Variants in NEK11 observed in about 807,000 individuals in gnomAD.
NEK11 encodes the protein NIMA related kinase 11, also known as serine/threonine-protein kinase Nek11.
Under a neutral mutation model 80.7 loss-of-function variants are expected in NEK11, and 72 were observed. That is an observed-to-expected ratio of 0.89 (90% confidence interval 0.74 to 1.08). The LOEUF is 1.08. Among genes scored for constraint, NEK11 ranks in the 50% least tolerant of loss-of-function variants. NEK11 has a pLI of 0.00. For missense variants in NEK11, 764 were observed against 763.6 expected (o/e 1.00, Z -0.01); for synonymous variants, 251 against 260.7 (o/e 0.96, Z 0.36).
intron 4 of NEK11, among the ~76,000 whole-genome samples, chr3:131,085,414 T>C (rs569045532): frequency 1.2e-4 from 19 of 152,314 alleles, no homozygotes; most frequent in African/African-American, 3.4e-4. Flanking sequence ...TGATAATATT[T>C]AATGAATTTT....
intron 4 of NEK11, among the ~76,000 whole-genome samples, chr3:131,082,809 T>C (rs2075459386): frequency 6.6e-6 from 1 of 152,202 alleles, no homozygotes; most frequent in African/African-American, 2.4e-5. Flanking sequence ...TTTTCCACAT[T>C]TGCTTTATCT....
Position 131,281,395 on chromosome 3 carries a change from A to C in NEK11, c.1718+7821A>C, listed in dbSNP as rs1022714698. Reference sequence around the variant, plus strand: ...TATATACATTTTGTCTCCTTTATTTAGTAATATATGCTGGAGCACAGTAGT... The same window carrying C: ...TATATACATTTTGTCTCCTTTATTTCGTAATATATGCTGGAGCACAGTAGT... On this transcript the variant is annotated intron_variant, in intron 17 of 17. Transcript: ENST00000383366. Among the ~76,000 whole-genome samples, 3 of 152,186 alleles carry C rather than the reference A, an allele frequency of 2.0e-5. No homozygotes were observed. The South Asian group carries it at 6.2e-4, about 32-fold the overall frequency.
intron 7 of NEK11, among the ~76,000 whole-genome samples, chr3:131,144,429 G>A (rs2087690468): frequency 6.6e-6 from 1 of 152,048 alleles, no homozygotes; most frequent in Non-Finnish European, 1.5e-5. Context: ...TTTAAGACCT[G>A]GGAGTCAAAT....
intron 3 of NEK11, among the ~76,000 whole-genome samples, chr3:131,064,506 C>T (rs923430984): frequency 2.6e-5 from 4 of 152,162 alleles, no homozygotes; most frequent in South Asian, 4.2e-4. Context: ...TTAACTTAAT[C>T]GACTCTTTCA....
At chr3:131,126,771 CT>C (rs2083408917) in intron 5 of NEK11, among the ~76,000 whole-genome samples, 1 of 151,990 alleles carries the variant, frequency 6.6e-6, no homozygotes, top group African/African-American at 2.4e-5. Context: ...GTCATTCTCT[CT>C]TTGAATTTTG....
intron 3 of NEK11, among the ~76,000 whole-genome samples, chr3:131,030,892 G>A (rs190413203): frequency 2.0e-5 from 3 of 152,276 alleles, no homozygotes; most frequent in Non-Finnish European, 4.4e-5. Flanking sequence ...GTTAGGGTAA[G>A]AAACTTGCCT....
At chr3:131,290,221 A>G (rs2096529568) in intron 17 of NEK11, among the ~76,000 whole-genome samples, 1 of 152,198 alleles carries the variant, frequency 6.6e-6, no homozygotes. Flanking sequence ...CTTACCCTTG[A>G]TGCCTGGCAG....
intron 17 of NEK11, among the ~76,000 whole-genome samples, chr3:131,315,854 A>C (rs1040801474): frequency 6.6e-6 from 1 of 151,750 alleles, no homozygotes; most frequent in African/African-American, 2.4e-5. Flanking sequence ...ATAGCTTCCA[A>C]CTCCATTCAT....
rs1181845089 is a variant in NEK11, at chr3:131,182,222, TAAC to T, written c.1399+11340_1399+11342del. Among the ~76,000 whole-genome samples, 3 of 151,970 alleles carry T rather than the reference TAAC, an allele frequency of 2.0e-5. No individual in the cohort carries two copies. The East Asian group carries it at 5.8e-4, about 29-fold the overall frequency. The stretch of plus-strand genomic sequence containing the variant: ...ACCTAATATCTTTTTCACTCATCAG[TAAC>T]AACATTTTCAACTGACTTCTCTTTT... On this transcript the variant is annotated intron_variant, in intron 14 of 17. Coordinates refer to ENST00000383366, the MANE Select transcript of NEK11 (RefSeq NM_024800.5).
intron 16 of NEK11, among the ~76,000 whole-genome samples, chr3:131,259,668 CATGGGT>C (rs1467396189): frequency 6.6e-6 from 1 of 152,132 alleles, no homozygotes; most frequent in African/African-American, 2.4e-5. Context: ...GCTCCAGTCC[CATGGGT>C]GTTGCCAGCA....
rs144063835 is a variant in NEK11, at chr3:131,065,192, CACTT to C, written c.171-15226_171-15223del. 4.9e-3 allele frequency among the ~76,000 whole-genome samples: 750 copies of C among 152,278 alleles called. 11 individuals carry two copies. Among genetic ancestry groups the C allele is most frequent in the African/African-American group, 0.017 (715 of 41,562 alleles). On this transcript the variant is annotated intron_variant, in intron 3 of 17. Coordinates refer to ENST00000383366, the MANE Select transcript of NEK11 (RefSeq NM_024800.5). ...TCCTGCATTTATATCTCAGTCTTTCCACTTACTTTGGACAATTACCTAAACTACC... is the reference window on the plus strand; with the variant it reads ...TCCTGCATTTATATCTCAGTCTTTCCACTTTGGACAATTACCTAAACTACC...
At chr3:131,255,124 G>GAAAGAAAGAAAGAAAGA (rs1553966666) in intron 16 of NEK11, among the ~76,000 whole-genome samples, 2 of 150,116 alleles carry the variant, frequency 1.3e-5, no homozygotes, top group Admixed American at 6.6e-5. Context: ...AAGAAAGAAA[G>GAAAGAAAGAAAGAAAGA]AAAGAGAGAA....
intron 5 of NEK11, among the ~76,000 whole-genome samples, chr3:131,120,887 A>G (rs2082254270): frequency 1.3e-5 from 2 of 152,054 alleles, no homozygotes. Flanking sequence ...ATCTAATCTT[A>G]TTTCAAGGTT....
intron 3 of NEK11, among the ~76,000 whole-genome samples, chr3:131,056,433 C>G (rs1424291031): frequency 6.6e-6 from 1 of 152,150 alleles, no homozygotes; most frequent in African/African-American, 2.4e-5. Flanking sequence ...TTTCCCTTAT[C>G]ATGGTTAGAT....
At chr3:131,092,590 A>G (rs1006192530) in intron 4 of NEK11, among the ~76,000 whole-genome samples, 1 of 152,246 alleles carries the variant, frequency 6.6e-6, no homozygotes, top group African/African-American at 2.4e-5. Flanking sequence ...TCCCATGTTC[A>G]TCGAGTAGTC....
At chr3:131,086,270 C>T (rs2149091031) in intron 4 of NEK11, among the ~76,000 whole-genome samples, 1 of 152,158 alleles carries the variant, frequency 6.6e-6, no homozygotes, top group Non-Finnish European at 1.5e-5. Context: ...TTCAAATCTT[C>T]ACTCATTAAT....
intron 4 of NEK11, among the ~76,000 whole-genome samples, chr3:131,098,332 G>T (rs534709344): frequency 6.4e-4 from 98 of 152,278 alleles, no homozygotes; most frequent in African/African-American, 2.4e-3. Flanking sequence ...AAGAGTTTCT[G>T]CACAGCAAAA....
intron 3 of NEK11, among the ~76,000 whole-genome samples, chr3:131,062,567 G>A (rs2071083283): frequency 6.6e-6 from 1 of 152,160 alleles, no homozygotes; most frequent in Admixed American, 6.5e-5. Flanking sequence ...AAGTTATCTT[G>A]TGCTCCTTCT....
chr3:131,214,466 C>T (rs548840598), intron 14 of NEK11, among the ~76,000 whole-genome samples: 5 of 152,152 alleles, frequency 3.3e-5, no homozygotes, highest in Admixed American at 6.5e-5. Flanking sequence ...AATGAATTTC[C>T]TGGCCTGAAT....
Sources: allele counts gnomAD v4.1 joint callset (sites outside exome capture counted in the v4.1 genomes callset), GRCh38; gene constraint gnomAD v4.1.1; transcripts MANE v1.5; gene names NCBI Gene and HGNC (gene_info 2026-07-23, HGNC 2026-07-21).